SH3RF2: variants seen among roughly 807,000 people sequenced by gnomAD.
The protein encoded by SH3RF2 is E3 ubiquitin-protein ligase SH3RF2.
SH3RF2 carries 43 observed loss-of-function variants against 59.0 expected under a neutral mutation model. The ratio of observed to expected loss-of-function variants is 0.73; its 90% CI spans 0.57 to 0.94. SH3RF2 has a LOEUF of 0.94. Ranked by LOEUF, SH3RF2 falls within the 40% of genes least tolerant of loss-of-function variation. SH3RF2 has a pLI of 0.00. For synonymous variants in SH3RF2, 391 were observed against 391.5 expected (o/e 1.00, Z 0.01); for missense variants, 930 against 940.1 (o/e 0.99, Z 0.14).
intron 2 of SH3RF2, among the ~76,000 whole-genome samples, chr5:145,957,294 C>T (rs577193344): frequency 1.3e-5 from 2 of 151,914 alleles, no homozygotes; most frequent in East Asian, 1.9e-4. Flanking sequence ...GGCTCCTGTG[C>T]GGGAAATGAA....
In SH3RF2 at chr5:146,062,607, A is replaced by G; in HGVS notation, c.2096A>G (p.Gln699Arg). Reference protein sequence around the residue: ...FAHRSGCHSGQQTDLRRKSAL... With the variant: ...FAHRSGCHSGRQTDLRRKSAL... ...CACCGAAGTGGCTGCCACTCCGGAC[A>G]GCAGACAGACCTCCGGAGAAAGTCA... is the stretch of plus-strand genomic sequence containing the variant. The change falls in exon 10 of 10, where the codon CAG becomes CGG. Residue 699 changes from glutamine to arginine, a missense_variant. Transcript: ENST00000359120. The G allele has an allele frequency of 6.2e-7, 1 of 1,614,188 alleles. No homozygotes were observed. The highest frequency in any genetic ancestry group is 2.2e-5 in the East Asian group (1 of 44,878).
chr5:145,979,218 T>C (rs1380843835), intron 2 of SH3RF2, among the ~76,000 whole-genome samples: 2 of 152,222 alleles, frequency 1.3e-5, no homozygotes, highest in Non-Finnish European at 2.9e-5. Context: ...CACAAATTCT[T>C]GGGCCCCACC....
chr5:146,020,960 C>T (rs1761297978), intron 5 of SH3RF2, among the ~76,000 whole-genome samples: 1 of 152,108 alleles, frequency 6.6e-6, no homozygotes, highest in Non-Finnish European at 1.5e-5. Flanking sequence ...ATTCTGAGGT[C>T]TATAAAGCTG....
intron 2 of SH3RF2, among the ~76,000 whole-genome samples, chr5:145,958,639 C>T (rs759626175): frequency 2.3e-4 from 35 of 152,282 alleles, no homozygotes; most frequent in Non-Finnish European, 3.5e-4. Flanking sequence ...AAATGTGCAG[C>T]GTAGGCCTAA....
intron 8 of SH3RF2, among the ~76,000 whole-genome samples, chr5:146,058,233 T>C (rs1194755936): frequency 6.6e-6 from 1 of 152,138 alleles, no homozygotes; most frequent in Non-Finnish European, 1.5e-5. Flanking sequence ...AAAGCCAATT[T>C]TTCACACATT....
In SH3RF2 at chr5:145,938,135, C is replaced by A; in HGVS notation, c.207C>A (p.Leu69=). The change falls in exon 2 of 10, where the codon CTC becomes CTA. Residue 69 remains leucine, a synonymous_variant. Transcript: ENST00000359120. The part of the protein sequence containing the change: ...NIEALPANLL[L]VRLLDGVRSG... The stretch of plus-strand genomic sequence containing the variant: ...AGGCGCTGCCGGCCAACCTGCTGCT[C>A]GTGCGCCTTCTGGATGGAGTGCGCT... 1 of 1,614,218 alleles carries A rather than the reference C, an allele frequency of 6.2e-7. No individual in the cohort carries two copies. Among genetic ancestry groups the A allele is most frequent in the African/African-American group, 1.3e-5 (1 of 75,068 alleles).
downstream of SH3RF2, among the ~76,000 whole-genome samples, chr5:146,067,655 G>A (rs917315798): frequency 6.6e-6 from 1 of 152,148 alleles, no homozygotes; most frequent in Admixed American, 6.5e-5. Flanking sequence ...TTTCTCATAC[G>A]GCATGGCAGA....
At chr5:146,035,873 T>C (rs961262920) in intron 5 of SH3RF2, among the ~76,000 whole-genome samples, 1 of 152,042 alleles carries the variant, frequency 6.6e-6, no homozygotes, top group Non-Finnish European at 1.5e-5. Context: ...TGAGGCACAG[T>C]CTCCACTGTC....
intron 2 of SH3RF2, among the ~76,000 whole-genome samples, chr5:145,985,092 G>A (rs1759651177): frequency 6.6e-6 from 1 of 152,118 alleles, no homozygotes; most frequent in Non-Finnish European, 1.5e-5. Flanking sequence ...GGAGGACCAG[G>A]CTTCAGTGAG....
intron 9 of SH3RF2, among the ~76,000 whole-genome samples, chr5:146,061,963 C>CTA (rs1762909470): frequency 2.6e-5 from 4 of 152,036 alleles, no homozygotes; most frequent in Non-Finnish European, 5.9e-5. Flanking sequence ...AAACTGTGCT[C>CTA]TAAGGATTTA....
In SH3RF2 at chr5:146,060,182, C is replaced by T. The variant is rs142977207; in HGVS notation, c.1872C>T (p.Ser624=). The part of the protein sequence containing the change: ...LPKPPASAPP[S]ILVKPENSRN... ...AACCGCCCGCATCTGCCCCACCATCCATCCTGGTGAAACCAGAAAACTCAA... is the reference window on the plus strand; with the variant it reads ...AACCGCCCGCATCTGCCCCACCATCTATCCTGGTGAAACCAGAAAACTCAA... Residue 624 remains serine (S), a synonymous_variant, in exon 9 of 10, where the codon TCC becomes TCT. Transcript: ENST00000359120. 1.9e-6 allele frequency: 3 copies of T among 1,612,654 alleles called. No homozygotes were observed. Among genetic ancestry groups the T allele is most frequent in the African/African-American group, 1.3e-5 (1 of 74,856 alleles).
intron 7 of SH3RF2, among the ~76,000 whole-genome samples, chr5:146,051,302 T>C (rs1392328870): frequency 6.6e-6 from 1 of 152,204 alleles, no homozygotes; most frequent in Non-Finnish European, 1.5e-5. Context: ...TTTAAGCCTG[T>C]TGCTGGGTTT....
At chr5:145,976,159 G>A (rs1561719200) in intron 2 of SH3RF2, among the ~76,000 whole-genome samples, 1 of 152,138 alleles carries the variant, frequency 6.6e-6, no homozygotes, top group Non-Finnish European at 1.5e-5. Context: ...ACATAAAGAG[G>A]AATAATTAAC....
At chr5:145,960,388 C>A (rs1253586837) in intron 2 of SH3RF2, among the ~76,000 whole-genome samples, 1 of 152,144 alleles carries the variant, frequency 6.6e-6, no homozygotes, top group Non-Finnish European at 1.5e-5. Context: ...CTCCACCAGC[C>A]CAGAAAAGAA....
chr5:145,989,577 G>A (rs1460734591), intron 2 of SH3RF2, among the ~76,000 whole-genome samples: 2 of 152,204 alleles, frequency 1.3e-5, no homozygotes, highest in Non-Finnish European at 2.9e-5. Flanking sequence ...CAAAGGCCAG[G>A]ATGGTTTTGG....
chr5:146,057,258 A>G (rs1762703580), intron 8 of SH3RF2, among the ~76,000 whole-genome samples: 1 of 152,162 alleles, frequency 6.6e-6, no homozygotes, highest in East Asian at 1.9e-4. Flanking sequence ...CAGTGCCTTC[A>G]TCTGACAGCC....
chr5:146,046,631 G>A (rs1296618107), intron 5 of SH3RF2, among the ~76,000 whole-genome samples: 1 of 152,154 alleles, frequency 6.6e-6, no homozygotes, highest in Non-Finnish European at 1.5e-5. Flanking sequence ...TGATGAACCA[G>A]ACTTACATAG....
chr5:146,069,572 AT>A (rs929422920), intron 9 of SH3RF2, among the ~76,000 whole-genome samples: 2 of 151,846 alleles, frequency 1.3e-5, no homozygotes, highest in African/African-American at 4.8e-5. Context: ...ATGCTTGTTT[AT>A]TTTTTGTTTG....
exon 10 of SH3RF2, chr5:146,080,617 A>T (rs1763408099): frequency 6.6e-6 from 1 of 152,162 alleles, no homozygotes; most frequent in African/African-American, 2.4e-5. Context: ...TTATTTCCTT[A>T]GTATATTCCA....
Sources: gnomAD v4.1 joint callset for allele counts (sites outside exome capture counted in the v4.1 genomes callset) on GRCh38, gnomAD v4.1.1 for gene constraint, MANE v1.5 for transcripts, NCBI Gene and HGNC (gene_info 2026-07-23, HGNC 2026-07-21) for gene names.